GRID1: variants seen among roughly 807,000 people sequenced by gnomAD.
GRID1 encodes the protein glutamate receptor ionotropic, delta-1.
Under a neutral mutation model 98.0 loss-of-function variants are expected in GRID1, and 28 were observed. That is an observed-to-expected ratio of 0.29 (90% CI 0.21 to 0.39). GRID1 has a LOEUF of 0.39. Among genes scored for constraint, GRID1 ranks in the 10% least tolerant of loss-of-function variants. GRID1 has a pLI of 1.00. For synonymous variants in GRID1, 553 were observed against 538.5 expected, an observed-to-expected ratio of 1.03 and a Z score of -0.37; for missense variants, 1,111 against 1,340.5, an observed-to-expected ratio of 0.83 and a Z score of 2.67.
intron 2 of GRID1, among the ~76,000 whole-genome samples, chr10:86,246,753 T>C (rs1846734196): frequency 1.3e-5 from 2 of 152,112 alleles, no homozygotes; most frequent in African/African-American, 2.4e-5. Context: ...AAGCTTATTC[T>C]AGGCCTGGTG....
chr10:86,317,088 G>C (rs1372607134), intron 2 of GRID1, among the ~76,000 whole-genome samples: 2 of 152,178 alleles, frequency 1.3e-5, no homozygotes, highest in African/African-American at 4.8e-5. Flanking sequence ...CCTCAGAAGA[G>C]AGCTGCCTAG....
At chr10:86,061,085 A>G (rs777018621) in intron 4 of GRID1, among the ~76,000 whole-genome samples, 5 of 151,884 alleles carry the variant, frequency 3.3e-5, no homozygotes, top group Non-Finnish European at 5.9e-5. Flanking sequence ...TGCCTCCACT[A>G]TCCTTCTCCC....
rs759973224 is a variant in GRID1, at chr10:86,366,432, G to A, written c.-40C>T. The A allele has an allele frequency of 3.5e-6, 5 of 1,411,962 alleles. No individual in the cohort carries two copies. The highest frequency in any genetic ancestry group is 3.0e-5 in the African/African-American group (2 of 66,440). 87.5% of individuals were successfully genotyped at this position (1,411,962 alleles called of 1,614,324 possible). On this transcript the variant is annotated 5_prime_UTR_variant, in exon 1 of 16. Coordinates refer to ENST00000327946, the MANE Select transcript of GRID1 (RefSeq NM_017551.3). This position sits in a 1 kb window ranked among gnomAD's most constrained non-coding sequence, Gnocchi z 4.1. ...CGGCTCATCCACCCGGGCCCGGGGC[G>A]AGGCCGAGGGCAGCGCGAAGCGGGG...
intron 8 of GRID1, among the ~76,000 whole-genome samples, chr10:85,753,591 T>C (rs1399072382): frequency 6.6e-6 from 1 of 152,262 alleles, no homozygotes; most frequent in Non-Finnish European, 1.5e-5. Context: ...GAGCCAATTC[T>C]AGACTTTATC....
At chr10:86,262,868 C>A (rs1031739066) in intron 2 of GRID1, among the ~76,000 whole-genome samples, 1 of 152,170 alleles carries the variant, frequency 6.6e-6, no homozygotes, top group African/African-American at 2.4e-5. Flanking sequence ...AGCCCAGGAG[C>A]CAGAAGCCCT....
intron 4 of GRID1, among the ~76,000 whole-genome samples, chr10:86,095,071 A>C (rs551711110): frequency 6.6e-6 from 1 of 152,340 alleles, no homozygotes; most frequent in East Asian, 1.9e-4. Flanking sequence ...TCTTTGACAA[A>C]GCAAACAAAA....
intron 8 of GRID1, among the ~76,000 whole-genome samples, chr10:85,744,096 T>C (rs1342914568): frequency 6.6e-6 from 1 of 152,166 alleles, no homozygotes; most frequent in Non-Finnish European, 1.5e-5. Flanking sequence ...CCAGAAAATG[T>C]GGACCCATGA....
intron 2 of GRID1, among the ~76,000 whole-genome samples, chr10:86,356,419 G>A (rs1165516045): frequency 6.6e-6 from 1 of 152,224 alleles, no homozygotes; most frequent in Non-Finnish European, 1.5e-5. Context: ...CTGCTTCCAG[G>A]CACATAGTAG....
At chr10:85,695,422 A>G (rs1841382440) in intron 12 of GRID1, among the ~76,000 whole-genome samples, 1 of 152,206 alleles carries the variant, frequency 6.6e-6, no homozygotes. Context: ...TATATTGTGT[A>G]TGCATAAGCC....
At chr10:86,174,568 G>T (rs1207270259) in intron 3 of GRID1, among the ~76,000 whole-genome samples, 1 of 152,042 alleles carries the variant, frequency 6.6e-6, no homozygotes, top group Non-Finnish European at 1.5e-5. Context: ...TTACCATTCA[G>T]GACATAGGCA....
chr10:85,989,225 C>A (rs1378264442), intron 4 of GRID1, among the ~76,000 whole-genome samples: 1 of 152,130 alleles, frequency 6.6e-6, no homozygotes, highest in Non-Finnish European at 1.5e-5. Context: ...GTTTGGCATG[C>A]AAAAAGTGTG....
intron 2 of GRID1, among the ~76,000 whole-genome samples, chr10:86,307,145 T>G: frequency 6.6e-6 from 1 of 152,264 alleles, no homozygotes; most frequent in Non-Finnish European, 1.5e-5. Flanking sequence ...GGCAGTTCTA[T>G]AAAAAACTAA....
intron 2 of GRID1, among the ~76,000 whole-genome samples, chr10:86,292,917 T>C (rs1288161635): frequency 6.6e-5 from 10 of 152,112 alleles, no homozygotes; most frequent in Admixed American, 6.5e-4. Flanking sequence ...TGAGGGTGTC[T>C]GTGTGAAGAG....
rs1380818374 is a variant in GRID1 at position 86,206,593 on chromosome 10, T to C, written c.291A>G (p.Ala97=). ...TGAGGGACTGCAGGGCATTGGCAGA[T>C]GCACAGCCAGTGGACGTGACCAAGG... ...ILALVTSTGC[A]SANALQSLTD... The change falls in exon 3 of 16, where the codon GCA becomes GCG. Residue 97 remains alanine (A), a synonymous_variant. Coordinates refer to ENST00000327946, the MANE Select transcript of GRID1 (RefSeq NM_017551.3). This position sits in a 1 kb window ranked among gnomAD's most constrained non-coding sequence, Gnocchi z 4.1. 4 of 1,614,108 alleles carry C rather than the reference T, an allele frequency of 2.5e-6. No homozygotes were observed. In the East Asian group the frequency reaches 6.7e-5, roughly 27 times the overall value.
At chr10:85,796,858 G>A (rs1842530150) in intron 8 of GRID1, among the ~76,000 whole-genome samples, 1 of 152,146 alleles carries the variant, frequency 6.6e-6, no homozygotes, top group Non-Finnish European at 1.5e-5. Context: ...CAGACAAATT[G>A]CCTTTCAAAC....
chr10:86,348,109 C>G (rs1168387062), intron 2 of GRID1, among the ~76,000 whole-genome samples: 1 of 152,218 alleles, frequency 6.6e-6, no homozygotes, highest in Non-Finnish European at 1.5e-5. Flanking sequence ...CTCTCTGGGA[C>G]ACACAAGTGT....
chr10:86,364,230 C>A (rs1001653711), intron 1 of GRID1, 134 bp from the exon 2 acceptor site: 2 of 695,038 alleles, frequency 2.9e-6, no homozygotes, highest in Non-Finnish European at 2.5e-6. Flanking sequence ...TTCAGCTTGG[C>A]GGGGTAGATT....
intron 12 of GRID1, among the ~76,000 whole-genome samples, chr10:85,675,776 T>C (rs1324623367): frequency 1.3e-5 from 2 of 152,164 alleles, no homozygotes; most frequent in Non-Finnish European, 2.9e-5. Context: ...CCACATAGAC[T>C]AAATTGGAGG....
In GRID1 at chr10:86,250,373, C is replaced by G. The variant is rs569209552; in HGVS notation, c.236-43725G>C. Among the ~76,000 whole-genome samples, 3 of 152,352 alleles carry G rather than the reference C, an allele frequency of 2.0e-5. No individual in the cohort carries two copies. The East Asian group carries it at 5.8e-4, about 29-fold the overall frequency. On this transcript the variant is annotated intron_variant, in intron 2 of 15. Coordinates refer to ENST00000327946, the MANE Select transcript of GRID1 (RefSeq NM_017551.3). ...GCCCCTCCGTTTCTACAGTTACCATCCCCATGCACAGGTCTTCTTGGAAGA... is the reference window on the plus strand; with the variant it reads ...GCCCCTCCGTTTCTACAGTTACCATGCCCATGCACAGGTCTTCTTGGAAGA...
Sources: gnomAD v4.1 joint callset for allele counts (sites outside exome capture counted in the v4.1 genomes callset) on GRCh38, gnomAD v4.1.1 for gene constraint, Gnocchi (gnomAD v3.1) non-coding constraint, MANE v1.5 for transcripts, NCBI Gene and HGNC (gene_info 2026-07-23, HGNC 2026-07-21) for gene names.